The following ATG7 variants were observed in gnomAD, a reference collection of about 807,000 sequenced individuals.
ATG7 encodes the protein autophagy related 7.
A neutral mutation model predicts 82.4 loss-of-function variants in ATG7; 70 were observed. That is an observed-to-expected ratio of 0.85 (90% CI 0.70 to 1.04). The LOEUF is 1.04. Among genes scored for constraint, ATG7 ranks in the 50% least tolerant of loss-of-function variants. The pLI is 0.00. For missense variants in ATG7, 792 were observed against 864.3 expected (o/e 0.92, Z 1.05); for synonymous variants, 287 against 313.0 (o/e 0.92, Z 0.88).
intron 19 of ATG7, among the ~76,000 whole-genome samples, chr3:11,391,144 T>TA (rs1237361522): frequency 1.3e-5 from 2 of 152,134 alleles, no homozygotes; most frequent in African/African-American, 4.8e-5. Context: ...TTTACAGCCA[T>TA]AAAAAACTTT....
chr3:11,480,183 G>C (rs1420348023), intron 20 of ATG7, among the ~76,000 whole-genome samples: 1 of 152,014 alleles, frequency 6.6e-6, no homozygotes, highest in Non-Finnish European at 1.5e-5. Flanking sequence ...CACCTGCCTT[G>C]GCCTCCCAAA....
chr3:11,320,167 C>A (rs1210933076), intron 9 of ATG7, among the ~76,000 whole-genome samples: 1 of 152,022 alleles, frequency 6.6e-6, no homozygotes, highest in Admixed American at 6.5e-5. Context: ...TTCTACCCCT[C>A]CCTCCCCCTA....
chr3:11,484,730 T>TC (rs2089430160), intron 20 of ATG7, among the ~76,000 whole-genome samples: 1 of 152,194 alleles, frequency 6.6e-6, no homozygotes. Flanking sequence ...AGTGTGATGT[T>TC]CCCCTTCCTG....
At chr3:11,372,828 G>A (rs2077106117) in intron 18 of ATG7, among the ~76,000 whole-genome samples, 1 of 112,762 alleles carries the variant, frequency 8.9e-6, no homozygotes, top group African/African-American at 4.7e-5. Flanking sequence ...GCGCGTGTGC[G>A]TGTGTGTGCG....
At chr3:11,453,594 G>T (rs1441069083) in intron 20 of ATG7, among the ~76,000 whole-genome samples, 27 of 152,170 alleles carry the variant, frequency 1.8e-4, no homozygotes, top group Non-Finnish European at 1.5e-5. Context: ...CAAGCTCTTT[G>T]TCTTCTATGT....
At position 11,540,887 on chromosome 3, in the gene ATG7, T is replaced by C. The variant is rs369009750; in HGVS notation, c.2080-13924T>C. 1.4e-4 allele frequency among the ~76,000 whole-genome samples: 21 copies of C among 145,982 alleles called. No homozygotes were observed. The South Asian group carries it at 4.5e-3, about 31-fold the overall frequency. On this transcript the variant is annotated intron_variant, in intron 20 of 20. Transcript: ENST00000693202. Reference sequence around the variant, plus strand: ...ATTTTTCTTTTTTTTTCCTAAAAAATTTATAGTTTTAGCTTTTTTTGGGGG... The same window carrying C: ...ATTTTTCTTTTTTTTTCCTAAAAAACTTATAGTTTTAGCTTTTTTTGGGGG...
At chr3:11,451,776 T>G (rs2085160091) in intron 20 of ATG7, among the ~76,000 whole-genome samples, 1 of 145,732 alleles carries the variant, frequency 6.9e-6, no homozygotes, top group African/African-American at 2.6e-5. Context: ...ATATATATGT[T>G]TATAGTCTCA....
At chr3:11,324,921 A>G (rs1328228065) in intron 9 of ATG7, among the ~76,000 whole-genome samples, 1 of 152,206 alleles carries the variant, frequency 6.6e-6, no homozygotes, top group African/African-American at 2.4e-5. Context: ...CACATGCCAC[A>G]TGATGTTTCA....
At chr3:11,325,238 C>G (rs1269534098) in intron 9 of ATG7, among the ~76,000 whole-genome samples, 1 of 152,154 alleles carries the variant, frequency 6.6e-6, no homozygotes, top group Admixed American at 6.5e-5. Flanking sequence ...CATCGTTAAG[C>G]ATGACTGTCA....
At chr3:11,402,069 C>T (rs1030463373) in intron 19 of ATG7, among the ~76,000 whole-genome samples, 2 of 151,948 alleles carry the variant, frequency 1.3e-5, no homozygotes, top group Admixed American at 1.3e-4. Flanking sequence ...GGAATAATAA[C>T]AGGGTGGTCG....
At chr3:11,445,770 A>G (rs1487767183) in intron 20 of ATG7, among the ~76,000 whole-genome samples, 1 of 152,216 alleles carries the variant, frequency 6.6e-6, no homozygotes, top group African/African-American at 2.4e-5. Context: ...TACCAGTAGT[A>G]TATGGTAGTT....
chr3:11,288,095 T>A (rs950559319), intron 3 of ATG7, among the ~76,000 whole-genome samples: 2 of 152,220 alleles, frequency 1.3e-5, no homozygotes, highest in Non-Finnish European at 1.5e-5. Flanking sequence ...TCTGGCCTTC[T>A]TCAGGAAAAG....
chr3:11,282,736 G>C (rs897794812), intron 3 of ATG7, among the ~76,000 whole-genome samples: 1 of 152,140 alleles, frequency 6.6e-6, no homozygotes, highest in African/African-American at 2.4e-5. Flanking sequence ...GGAAGAGAAG[G>C]CTTTAAACCT....
intron 20 of ATG7, among the ~76,000 whole-genome samples, chr3:11,501,044 C>T (rs1449741178): frequency 6.6e-6 from 1 of 152,170 alleles, no homozygotes; most frequent in East Asian, 1.9e-4. Flanking sequence ...CACTTGAGGC[C>T]AGGAGTTCAA....
intron 20 of ATG7, among the ~76,000 whole-genome samples, chr3:11,450,756 C>T (rs1409404385): frequency 6.6e-6 from 1 of 152,222 alleles, no homozygotes; most frequent in Non-Finnish European, 1.5e-5. Context: ...CGTTTGTGAA[C>T]AGTCTTCTAG....
intron 20 of ATG7, among the ~76,000 whole-genome samples, chr3:11,490,682 C>G (rs552515198): frequency 0.025 from 3,871 of 152,142 alleles, 148 homozygotes; most frequent in African/African-American, 0.086. Flanking sequence ...GACAAAATCT[C>G]TCAGCATTTG....
chr3:11,368,951 G>A (rs913143288), intron 18 of ATG7, among the ~76,000 whole-genome samples: 51 of 150,804 alleles, frequency 3.4e-4, no homozygotes, highest in Non-Finnish European at 1.8e-4. Context: ...CAACCCCAGG[G>A]TTTTCTCAGC....
chr3:11,547,527 C>T lies in ATG7; in HGVS notation c.2080-7284C>T, dbSNP rs540050200. Among the ~76,000 whole-genome samples the T allele has an allele frequency of 2.0e-5, 3 of 152,330 alleles. No individual in the cohort carries two copies. The East Asian group carries it at 5.8e-4, about 29-fold the overall frequency. Reference sequence around the variant, plus strand: ...TGGACACGTTGTCATTTCTCTTGGGCAGTTACCTAGGACTGGAATTGTTGT... The same window carrying T: ...TGGACACGTTGTCATTTCTCTTGGGTAGTTACCTAGGACTGGAATTGTTGT... On this transcript the variant is annotated intron_variant, in intron 20 of 20. Coordinates refer to ENST00000693202, the MANE Select transcript of ATG7 (RefSeq NM_001349232.2).
intron 3 of ATG7, among the ~76,000 whole-genome samples, chr3:11,286,401 C>T (rs929221530): frequency 2.6e-5 from 4 of 152,072 alleles, no homozygotes; most frequent in Admixed American, 1.3e-4. Context: ...GGCATATCGT[C>T]GTATGTTCTT....
Sources: allele counts gnomAD v4.1 joint callset (sites outside exome capture counted in the v4.1 genomes callset), GRCh38; gene constraint gnomAD v4.1.1; transcripts MANE v1.5; gene names NCBI Gene and HGNC (gene_info 2026-07-23, HGNC 2026-07-21).